IL13RA2: variants seen among roughly 807,000 people sequenced by gnomAD.
IL13RA2 encodes the protein interleukin-13 receptor subunit alpha-2.
IL13RA2 carries 25 observed loss-of-function variants against 34.1 expected under a neutral mutation model. The observed-to-expected ratio is 0.73, with a 90% CI of 0.53 to 1.03. IL13RA2 has a LOEUF of 1.03. Among genes scored for constraint, IL13RA2 ranks in the 50% least tolerant of loss-of-function variants. IL13RA2 has a pLI of 0.00. For missense variants in IL13RA2, 297 were observed against 280.9 expected (o/e 1.06, Z -0.41); for synonymous variants, 106 against 100.4 (o/e 1.06, Z -0.33).
In IL13RA2 at chrX:115,017,186, G is replaced by T; in HGVS notation, c.84C>A (p.Thr28=). Residue 28 remains threonine, a synonymous_variant, in exon 2 of 10, where the codon ACC becomes ACA. Coordinates refer to ENST00000243213, the MANE Select transcript of IL13RA2 (RefSeq NM_000640.3). ...TTAAAATCCATTTACCTTTTATCTC[G>T]GTGTCTGAAGATGAAGTACAGCCAA... ...TTFGCTSSSD[T]EIKVNPPQDF... 1 of 811,708 alleles carries T rather than the reference G, an allele frequency of 1.2e-6. No individual in the cohort carries two copies. The highest frequency in any genetic ancestry group is 1.9e-6 in the Non-Finnish European group (1 of 537,704). The allele number at this position is 811,708 out of a possible 1,213,427, so 66.9% of individuals were successfully genotyped here. A position where few individuals can be genotyped will look rare whatever the true frequency, so the allele number is the denominator to read the frequency against.
chrX:115,015,909 T>C (rs1362118741), intron 2 of IL13RA2, 88 bp from the exon 3 acceptor site: 6 of 589,196 alleles, frequency 1.0e-5, no homozygotes, highest in Admixed American at 3.5e-5. Context: ...TGTGCACCAA[T>C]TGATTAACAG....
At position 115,009,502 on chromosome X, in the gene IL13RA2, A is replaced by G; in HGVS notation, c.852+19T>C. ...AAGGCTGTAGTTATGATTTTCCCAA[A>G]TAAATGCAATATTCATACCACCAAG... On this transcript the variant is annotated intron_variant, in intron 7 of 9. Coordinates refer to ENST00000243213, the MANE Select transcript of IL13RA2 (RefSeq NM_000640.3). 1 of 1,163,123 alleles carries G rather than the reference A, an allele frequency of 8.6e-7. No homozygotes were observed. The highest frequency in any genetic ancestry group is 1.2e-6 in the Non-Finnish European group (1 of 856,098).
chrX:115,017,227 G>T lies in IL13RA2; in HGVS notation c.43C>A (p.Leu15Met). ...CLAIGCLYTF[L>M]ISTTFGCTSS... is the part of the protein sequence containing the mutation. ...GTACAGCCAAATGTTGTGCTTATCA[G>T]AAAGGTATATAAGCATCCGATAGCC... The change falls in exon 2 of 10, where the codon CTG becomes ATG. Residue 15 changes from leucine to methionine, a missense_variant. Transcript: ENST00000243213. 9.7e-7 allele frequency: 1 copy of T among 1,030,699 alleles called. No homozygotes were observed. Among genetic ancestry groups the T allele is most frequent in the Non-Finnish European group, 1.4e-6 (1 of 733,207 alleles). The allele number at this position is 1,030,699 out of a possible 1,213,427, so 84.9% of individuals were successfully genotyped here.
intron 4 of IL13RA2, among the ~76,000 whole-genome samples, chrX:115,014,172 T>A (rs1236515022): frequency 2.7e-5 from 3 of 111,905 alleles, no homozygotes; most frequent in Non-Finnish European, 5.6e-5. Context: ...CAAATACTCA[T>A]GAATGTTTAC....
intron 5 of IL13RA2, among the ~76,000 whole-genome samples, chrX:115,011,414 A>T (rs1277920804): frequency 7.1e-5 from 8 of 112,113 alleles, no homozygotes; most frequent in African/African-American, 2.6e-4. Context: ...ATTAAATGAG[A>T]AATGTTACCA....
At position 115,011,719 on chromosome X, in the gene IL13RA2, T is replaced by C. The variant is rs140230644; in HGVS notation, c.522-891A>G. On this transcript the variant is annotated intron_variant, in intron 5 of 9. Transcript: ENST00000243213. ...CTTGGTTAGTTCACTTGATTAGAGT[T>C]TGGGAGACTTCAGTTCCAGGCTTAA... Among the ~76,000 whole-genome samples the C allele has an allele frequency of 9.4e-4, 105 of 112,148 alleles. No homozygotes were observed. In the East Asian group the frequency reaches 0.016, roughly 17 times the overall value.
chrX:115,015,430 G>A (rs961562243), intron 3 of IL13RA2, among the ~76,000 whole-genome samples: 2 of 111,522 alleles, frequency 1.8e-5, no homozygotes, highest in South Asian at 3.8e-4. Flanking sequence ...CATATTGCAC[G>A]AGACCGAGTT....
chrX:115,016,824 A>G (rs782346946), intron 2 of IL13RA2, among the ~76,000 whole-genome samples: 10 of 109,583 alleles, frequency 9.1e-5, no homozygotes, highest in Admixed American at 4.0e-4. Context: ...AGCTAAGGAT[A>G]GTAGCTAAGG....
chrX:115,015,709 A>G lies in IL13RA2; in HGVS notation c.207T>C (p.Tyr69=), dbSNP rs1556509791. ...TACCAATGTTTCGGTATTTTAGTTC[A>G]TATTCCACTGTGCATTCCTTAAAAT... ...LDHFKECTVE[Y]ELKYRNIGSE... The change falls in exon 3 of 10, where the codon TAT becomes TAC. Residue 69 remains tyrosine (Y), a synonymous_variant. Transcript: ENST00000243213. 4.2e-6 allele frequency: 5 copies of G among 1,202,527 alleles called. No individual in the cohort carries two copies. In the South Asian group the frequency reaches 8.8e-5, roughly 21 times the overall value.
intron 5 of IL13RA2, among the ~76,000 whole-genome samples, chrX:115,011,617 G>A (rs996433794): frequency 8.9e-6 from 1 of 112,029 alleles, no homozygotes; most frequent in Non-Finnish European, 1.9e-5. Flanking sequence ...TAAGGTGCCT[G>A]TACACATATC....
intron 5 of IL13RA2, among the ~76,000 whole-genome samples, chrX:115,011,933 G>A (rs1374788274): frequency 8.9e-6 from 1 of 111,760 alleles, no homozygotes; most frequent in Non-Finnish European, 1.9e-5. Context: ...ACACTGCCTG[G>A]CATTTAAAAG....
intron 9 of IL13RA2, among the ~76,000 whole-genome samples, chrX:115,004,679 G>A (rs1480026675): frequency 9.0e-6 from 1 of 110,896 alleles, no homozygotes; most frequent in African/African-American, 3.3e-5. Context: ...ATTGTTTTCT[G>A]AAATTCTATA....
At position 115,017,156 on chromosome X, in the gene IL13RA2, T is replaced by C; in HGVS notation, c.94+20A>G. On this transcript the variant is annotated intron_variant, in intron 2 of 9. Coordinates refer to ENST00000243213, the MANE Select transcript of IL13RA2 (RefSeq NM_000640.3). ...TTTACTTTTCCTAATTTAAAAACTATTCCATTAAAATCCATTTACCTTTTA... is the reference window on the plus strand; with the variant it reads ...TTTACTTTTCCTAATTTAAAAACTACTCCATTAAAATCCATTTACCTTTTA... 1 of 655,974 alleles carries C rather than the reference T, an allele frequency of 1.5e-6. No individual in the cohort carries two copies. The highest frequency in any genetic ancestry group is 2.5e-6 in the Non-Finnish European group (1 of 400,510). 54.1% of individuals were successfully genotyped at this position (655,974 alleles called of 1,213,427 possible). A position where few individuals can be genotyped will look rare whatever the true frequency, so the allele number is the denominator to read the frequency against.
At position 115,016,681 on chromosome X, in the gene IL13RA2, TTTAA is replaced by T. The variant is rs1480429024; in HGVS notation, c.94+491_94+494del. Among the ~76,000 whole-genome samples the T allele has an allele frequency of 8.0e-4, 85 of 106,803 alleles. 1 individual carries two copies. The highest frequency in any genetic ancestry group is 2.7e-3 in the African/African-American group (80 of 29,885). 92.7% of individuals were successfully genotyped at this position (106,803 alleles called of 115,157 possible). On this transcript the variant is annotated intron_variant, in intron 2 of 9. Transcript: ENST00000243213. ...AATATAATAATATACTATAAATAATTTTAATTAATTAATAATAAAACATTAACAT... is the reference window on the plus strand; with the variant it reads ...AATATAATAATATACTATAAATAATTTTAATTAATAATAAAACATTAACAT...
chrX:115,013,794 C>T lies in IL13RA2; in HGVS notation c.496G>A (p.Asp166Asn), dbSNP rs782790104. The T allele has an allele frequency of 1.9e-6, 2 of 1,053,359 alleles. No homozygotes were observed. Among genetic ancestry groups the T allele is most frequent in the Non-Finnish European group, 2.6e-6 (2 of 755,856 alleles). 86.8% of individuals were successfully genotyped at this position (1,053,359 alleles called of 1,213,427 possible). The change falls in exon 5 of 10, where the codon GAT becomes AAT. Residue 166 changes from aspartate to asparagine, a missense_variant. Physicochemically the swap from Asp to Asn is conservative, Grantham distance 23. Coordinates refer to ENST00000243213, the MANE Select transcript of IL13RA2 (RefSeq NM_000640.3). ...CAGTAAAACAAGTTGTAATTGGTAT[C>T]AAGAAGTACACCTATGCCAGGTTTC... is the stretch of plus-strand genomic sequence containing the variant. The part of the protein sequence containing the change: ...SWKPGIGVLL[D>N]TNYNLFYWYE...
At chrX:115,016,250 T>C (rs1602978029) in intron 2 of IL13RA2, among the ~76,000 whole-genome samples, 1 of 111,475 alleles carries the variant, frequency 9.0e-6, no homozygotes, top group East Asian at 2.8e-4. Flanking sequence ...ACTTTGTGAA[T>C]ATACTAAAAA....
chrX:115,017,047 A>G (rs1556510280), intron 2 of IL13RA2, 129 bp downstream of exon 2: 2 of 454,760 alleles, frequency 4.4e-6, no homozygotes, highest in Non-Finnish European at 3.8e-6. Flanking sequence ...AATAGTTTCA[A>G]TAACAATTCA....
rs377163094 is a variant in IL13RA2 at position 115,015,695 on chromosome X, C to T, written c.221G>A (p.Arg74Gln). ...ECTVEYELKYRNIGSETWKTI... is the reference protein window; with the variant it reads ...ECTVEYELKYQNIGSETWKTI... ...CTTCCATGTTTCACTACCAATGTTTCGGTATTTTAGTTCATATTCCACTGT... is the reference window on the plus strand; with the variant it reads ...CTTCCATGTTTCACTACCAATGTTTTGGTATTTTAGTTCATATTCCACTGT... The change falls in exon 3 of 10, where the codon CGA (arginine) becomes CAA (glutamine). Residue 74 changes from arginine (R) to glutamine (Q), a missense_variant. By Grantham distance (43) the Arg-to-Gln change is conservative (BLOSUM62 1). Coordinates refer to ENST00000243213, the MANE Select transcript of IL13RA2 (RefSeq NM_000640.3). 3.3e-6 allele frequency: 4 copies of T among 1,202,327 alleles called. No homozygotes were observed. Among genetic ancestry groups the T allele is most frequent in the African/African-American group, 1.8e-5 (1 of 56,918 alleles).
chrX:115,012,973 A>G (rs1485329094), intron 5 of IL13RA2, among the ~76,000 whole-genome samples: 1 of 111,362 alleles, frequency 9.0e-6, no homozygotes, highest in Non-Finnish European at 1.9e-5. Flanking sequence ...GGTGAGAAAA[A>G]AATGTAGAGA....
Sources: gnomAD v4.1 joint callset for allele counts (sites outside exome capture counted in the v4.1 genomes callset) on GRCh38, gnomAD v4.1.1 for gene constraint, MANE v1.5 for transcripts, NCBI Gene and HGNC (gene_info 2026-07-23, HGNC 2026-07-21) for gene names.